The following DNTTIP1 variants were observed in gnomAD, a reference collection of about 807,000 sequenced individuals.
DNTTIP1 encodes the protein deoxynucleotidyltransferase terminal-interacting protein 1.
Under a neutral mutation model 52.9 loss-of-function variants are expected in DNTTIP1, and 22 were observed. The ratio of observed to expected loss-of-function variants is 0.42; its 90% confidence interval spans 0.30 to 0.59. The LOEUF (loss-of-function observed/expected upper bound fraction) is 0.59, where lower values mean the gene tolerates loss of function less well. Among genes scored for constraint, DNTTIP1 ranks in the 20% least tolerant of loss-of-function variants. The pLI is 0.22. For missense variants in DNTTIP1, 286 were observed against 435.5 expected (o/e 0.66, Z 3.06); for synonymous variants, 136 against 155.1 (o/e 0.88, Z 0.92).
At chr20:45,794,516 T>A (rs6104348) in intron 3 of DNTTIP1, among the ~76,000 whole-genome samples, 95,560 of 150,892 alleles carry the variant, frequency 0.63, 30,528 homozygotes, top group Admixed American at 0.72. Context: ...CCTTTTTTTT[T>A]TAAAATCTGC....
At chr20:45,803,258 C>G (rs1433556914) in intron 7 of DNTTIP1, 75 bp from the exon 8 acceptor site, 1 of 1,466,034 alleles carries the variant, frequency 6.8e-7, no homozygotes, top group African/African-American at 1.4e-5. Flanking sequence ...GGAACTCCTA[C>G]CACCACCAGC....
chr20:45,806,628 C>T (rs1981659761), intron 10 of DNTTIP1, among the ~76,000 whole-genome samples: 2 of 152,228 alleles, frequency 1.3e-5, no homozygotes. Context: ...ACTGCACAGC[C>T]CTGTGGGATC....
At chr20:45,794,640 T>C (rs1981172499) in intron 3 of DNTTIP1, among the ~76,000 whole-genome samples, 1 of 151,902 alleles carries the variant, frequency 6.6e-6, no homozygotes, top group African/African-American at 2.4e-5. Context: ...AGTATTCTTA[T>C]TAGTTGTTTA....
intron 10 of DNTTIP1, 123 bp downstream of exon 10, chr20:45,805,489 G>A (rs1417982950): frequency 9.5e-7 from 1 of 1,057,898 alleles, no homozygotes; most frequent in African/African-American, 1.6e-5. Flanking sequence ...TTCTAGTTGT[G>A]CCTCTGCCAT....
intron 3 of DNTTIP1, among the ~76,000 whole-genome samples, chr20:45,794,563 A>G (rs921997952): frequency 6.6e-6 from 1 of 151,590 alleles, no homozygotes; most frequent in African/African-American, 2.4e-5. Context: ...CTGACCTCTT[A>G]TAAGGATGAA....
intron 4 of DNTTIP1, chr20:45,796,453 T>G (rs1349352779): frequency 2.1e-6 from 1 of 470,632 alleles, no homozygotes; most frequent in South Asian, 1.5e-5. Context: ...GTCTCACCCC[T>G]GCAGGTGCGT....
chr20:45,803,658 G>A (rs1048533818), intron 8 of DNTTIP1, among the ~76,000 whole-genome samples: 3 of 152,162 alleles, frequency 2.0e-5, no homozygotes, highest in African/African-American at 4.8e-5. Flanking sequence ...AGTATGTAAC[G>A]GGCAGTGTCC....
rs772150323 is a variant in DNTTIP1 at position 45,803,408 on chromosome 20, C to T, written c.603+30C>T. On this transcript the variant is annotated intron_variant, in intron 8 of 12. Transcript: ENST00000372622. ...GATTATGTGAGCATGGCAGAGATCA[C>T]GATCCCAGGAGATAGTCCCACTATC... 40 of 1,613,074 alleles carry T rather than the reference C, an allele frequency of 2.5e-5. 1 individual carries two copies. In the South Asian group the frequency reaches 3.0e-4, roughly 12 times the overall value.
Position 45,809,707 on chromosome 20 carries a change from T to C in DNTTIP1, c.795+522T>C, listed in dbSNP as rs1399280222. ...AACAGCAACCTTAGGAAAATCATCA[T>C]TGCATGTGTTCAAAAACTATTGTTG... On this transcript the variant is annotated intron_variant, in intron 11 of 12. Transcript: ENST00000372622. This position sits in a 1 kb window ranked among gnomAD's most constrained non-coding sequence, Gnocchi z 4.2. 1.3e-5 allele frequency among the ~76,000 whole-genome samples: 2 copies of C among 152,204 alleles called. No homozygotes were observed. Among genetic ancestry groups the C allele is most frequent in the Admixed American group, 6.5e-5 (1 of 15,282 alleles).
In DNTTIP1 at chr20:45,792,035, CG is replaced by C; in HGVS notation, c.35del (p.Gly12AspfsTer29). MGATGDAEQP[R>X]GPSGAERGGL... The stretch of plus-strand genomic sequence containing the variant: ...AGCCACTGGCGACGCCGAGCAGCCG[CG>C]GGGACCTAGCGGGGCCGAGAGGGGC... On this transcript the variant is annotated frameshift_variant, in exon 1 of 13. Coordinates refer to ENST00000372622, the MANE Select transcript of DNTTIP1 (RefSeq NM_052951.3). LOFTEE classifies it high-confidence loss of function. The C allele has an allele frequency of 7.8e-7, 1 of 1,276,874 alleles. No homozygotes were observed. The highest frequency in any genetic ancestry group is 9.9e-7 in the Non-Finnish European group (1 of 1,010,618). 79.1% of individuals were successfully genotyped at this position (1,276,874 alleles called of 1,614,324 possible).
intron 7 of DNTTIP1, 75 bp downstream of exon 7, chr20:45,802,132 A>G (rs1004854552): frequency 6.7e-7 from 1 of 1,502,044 alleles, no homozygotes. Flanking sequence ...AAAAGAGTCC[A>G]GGGTTCTGTG....
At chr20:45,797,573 A>T (rs998998428) in intron 4 of DNTTIP1, among the ~76,000 whole-genome samples, 1 of 152,248 alleles carries the variant, frequency 6.6e-6, no homozygotes, top group Admixed American at 6.5e-5. Context: ...AATTTTTGCA[A>T]TCTACTCATC....
rs762728044 is a variant in DNTTIP1 at position 45,809,109 on chromosome 20, T to C, written c.724-5T>C. ...CTAATTTTCTTACAACTTCATTCCTTACAGTATGCAGCTGACCCCCAGGAT... is the reference window on the plus strand; with the variant it reads ...CTAATTTTCTTACAACTTCATTCCTCACAGTATGCAGCTGACCCCCAGGAT... On this transcript the variant is annotated splice_polypyrimidine_tract_variant and splice_region_variant and intron_variant, in intron 10 of 12. Coordinates refer to ENST00000372622, the MANE Select transcript of DNTTIP1 (RefSeq NM_052951.3). This position sits in a 1 kb window ranked among gnomAD's most constrained non-coding sequence, Gnocchi z 4.2. 1 of 1,613,998 alleles carries C rather than the reference T, an allele frequency of 6.2e-7. No homozygotes were observed. Among genetic ancestry groups the C allele is most frequent in the Non-Finnish European group, 8.5e-7 (1 of 1,179,862 alleles).
intron 4 of DNTTIP1, among the ~76,000 whole-genome samples, chr20:45,800,371 T>G (rs1474574502): frequency 6.6e-6 from 1 of 152,018 alleles, no homozygotes; most frequent in African/African-American, 2.4e-5. Flanking sequence ...TTTCTATGCA[T>G]ATAAATATAT....
intron 8 of DNTTIP1, among the ~76,000 whole-genome samples, chr20:45,804,575 G>A (rs1981574256): frequency 6.6e-6 from 1 of 152,150 alleles, no homozygotes; most frequent in Non-Finnish European, 1.5e-5. Context: ...GCAGTCCCCT[G>A]AACATAACCT....
intron 3 of DNTTIP1, among the ~76,000 whole-genome samples, chr20:45,794,584 T>C (rs1981170456): frequency 6.6e-6 from 1 of 152,070 alleles, no homozygotes; most frequent in East Asian, 1.9e-4. Flanking sequence ...GTGACTTAAA[T>C]GTACTGTGCT....
chr20:45,796,661 T>C (rs1021171871), intron 4 of DNTTIP1: 17 of 427,190 alleles, frequency 4.0e-5, no homozygotes, highest in African/African-American at 3.5e-4. Flanking sequence ...TAGGGAGACA[T>C]CAGGAAAGGT....
rs1366213715 is a variant in DNTTIP1, at chr20:45,811,226, C to G, written c.*31C>G. 1 of 1,580,928 alleles carries G rather than the reference C, an allele frequency of 6.3e-7. No individual in the cohort carries two copies. Among genetic ancestry groups the G allele is most frequent in the Non-Finnish European group, 8.6e-7 (1 of 1,165,404 alleles). On this transcript the variant is annotated 3_prime_UTR_variant, in exon 13 of 13. Transcript: ENST00000372622. ...GGTCCCCTGGCCACACTTGGCAGCC[C>G]TCCTCCAAAGCCCTCTTCCTCACGT...
intron 10 of DNTTIP1, among the ~76,000 whole-genome samples, chr20:45,806,592 C>T (rs185283699): frequency 3.9e-5 from 6 of 152,340 alleles, no homozygotes; most frequent in East Asian, 3.9e-4. Context: ...TGCACTTATA[C>T]GTAAGGCTTG....
Sources: gnomAD v4.1 joint callset for allele counts (sites outside exome capture counted in the v4.1 genomes callset) on GRCh38, gnomAD v4.1.1 for gene constraint, Gnocchi (gnomAD v3.1) non-coding constraint, MANE v1.5 for transcripts, NCBI Gene and HGNC (gene_info 2026-07-23, HGNC 2026-07-21) for gene names.